Variants in IL3RA observed in about 807,000 individuals in gnomAD.
IL3RA encodes interleukin 3 receptor subunit alpha, also known as interleukin-3 receptor subunit alpha.
IL3RA carries 73 observed loss-of-function variants against 52.3 expected under a neutral mutation model. The ratio of observed to expected loss-of-function variants is 1.40; its 90% confidence interval spans 1.16 to 1.70. IL3RA has a LOEUF of 1.70. Ranked by LOEUF, IL3RA falls within the 40% of genes most tolerant of loss-of-function variation. IL3RA has a pLI of 0.00. For synonymous variants in IL3RA, 260 were observed against 194.0 expected (o/e 1.34, Z -2.83); for missense variants, 664 against 504.4 (o/e 1.32, Z -3.03).
At chrX:1,351,189 G>A (rs1161369638) in intron 4 of IL3RA, among the ~76,000 whole-genome samples, 7 of 152,068 alleles carry the variant, frequency 4.6e-5, no homozygotes, top group Non-Finnish European at 8.8e-5. Context: ...CCTAGGCGAC[G>A]GAGCGAGACT....
In IL3RA at chrX:1,360,147, GTC is replaced by G. The variant is rs201083236; in HGVS notation, c.759+1267_759+1268del. Among the ~76,000 whole-genome samples the G allele has an allele frequency of 3.6e-3, 347 of 95,860 alleles. 2 individuals carry two copies. Among genetic ancestry groups the G allele is most frequent in the African/African-American group, 0.014 (322 of 23,514 alleles). 62.9% of individuals were successfully genotyped at this position (95,860 alleles called of 152,430 possible). ...TCTCTTTCTCCGTGTCTGTCTCTGT[GTC>G]TCTCTCCCTTTCTCCCTCCCTCCAT... On this transcript the variant is annotated intron_variant, in intron 8 of 11. Transcript: ENST00000331035.
intron 8 of IL3RA, among the ~76,000 whole-genome samples, chrX:1,359,720 C>G (rs1276165933): frequency 4.0e-5 from 6 of 150,048 alleles, no homozygotes; most frequent in Non-Finnish European, 8.9e-5. Context: ...CTCTCCCTGT[C>G]TCTCTCTCCC....
chrX:1,358,747 C>G, intron 7 of IL3RA, 114 bp from the exon 8 acceptor site: 1 of 1,126,788 alleles, frequency 8.9e-7, no homozygotes, highest in Non-Finnish European at 1.3e-6. Context: ...GAAGGCCTTC[C>G]CAGAGCCCTC....
At chrX:1,363,611 A>G (rs1207034769) in intron 8 of IL3RA, among the ~76,000 whole-genome samples, 11 of 150,834 alleles carry the variant, frequency 7.3e-5, no homozygotes, top group Admixed American at 2.0e-4. Flanking sequence ...ATAAGGCCCC[A>G]CTGTAAGGAG....
intron 9 of IL3RA, among the ~76,000 whole-genome samples, 187 bp downstream of exon 9, chrX:1,365,439 G>A (rs2087902033): frequency 1.7e-5 from 1 of 57,392 alleles, no homozygotes; most frequent in Non-Finnish European, 2.9e-5. Flanking sequence ...CGGGGTGCGC[G>A]GGGTGAGCGG....
At chrX:1,367,512 CGGGTGCGCG>C (rs1355004432) in intron 9 of IL3RA, among the ~76,000 whole-genome samples, 10 of 27,902 alleles carry the variant, frequency 3.6e-4, no homozygotes, top group East Asian at 1.2e-3. Context: ...CGGGGTGAGC[CGGGTGCGCG>C]GGGTGCGCGG....
chrX:1,344,103 C>T lies in IL3RA; in HGVS notation c.65-1213C>T, dbSNP rs186315740. 1.3e-3 allele frequency among the ~76,000 whole-genome samples: 201 copies of T among 152,132 alleles called. 2 individuals carry two copies. Among genetic ancestry groups the T allele is most frequent in the Non-Finnish European group, 2.5e-3 (173 of 68,000 alleles). ...GCCACCACGCCCGTTTGCTTTATGA[C>T]TTCTACCAGCTCACAGAAGTCTCCT... On this transcript the variant is annotated intron_variant, in intron 2 of 11. Transcript: ENST00000331035.
intron 7 of IL3RA, 48 bp from the exon 8 acceptor site, chrX:1,358,813 T>C: frequency 6.2e-7 from 1 of 1,609,850 alleles, no homozygotes; most frequent in East Asian, 2.2e-5. Flanking sequence ...GAGGAGGCTT[T>C]CAGGGACGGT....
intron 9 of IL3RA, among the ~76,000 whole-genome samples, chrX:1,377,956 C>T (rs1308789332): frequency 1.0e-4 from 15 of 150,652 alleles, no homozygotes; most frequent in African/African-American, 3.4e-4. Flanking sequence ...GAGGCCGAGG[C>T]GGGTGGATCA....
chrX:1,341,334 T>C (rs1416540167), intron 1 of IL3RA, among the ~76,000 whole-genome samples: 5 of 151,388 alleles, frequency 3.3e-5, no homozygotes, highest in African/African-American at 1.2e-4. Context: ...CAAACACTTA[T>C]GTGTGCACAC....
In IL3RA at chrX:1,352,526, C is replaced by G. The variant is rs763413422; in HGVS notation, c.616+20C>G. On this transcript the variant is annotated intron_variant, in intron 6 of 11. Coordinates refer to ENST00000331035, the MANE Select transcript of IL3RA (RefSeq NM_002183.4). Reference sequence around the variant, plus strand: ...AGATTGGTGAGTAGCCCGGGACACTCCCTCCCACCCTCAGTTCTGTGATAC... The same window carrying G: ...AGATTGGTGAGTAGCCCGGGACACTGCCTCCCACCCTCAGTTCTGTGATAC... The G allele has an allele frequency of 6.2e-7, 1 of 1,607,678 alleles. No individual in the cohort carries two copies. The highest frequency in any genetic ancestry group is 1.1e-5 in the South Asian group (1 of 90,812).
intron 9 of IL3RA, 42 bp downstream of exon 9, chrX:1,365,294 CGGGGT>C (rs2087853734): frequency 1.0e-6 from 1 of 997,690 alleles, no homozygotes; most frequent in Non-Finnish European, 1.4e-6. Context: ...GCGGGGTGAG[CGGGGT>C]GCGCGGGGTG....
At chrX:1,358,399 C>A (rs1166551815) in intron 7 of IL3RA, among the ~76,000 whole-genome samples, 5 of 152,056 alleles carry the variant, frequency 3.3e-5, no homozygotes, top group Non-Finnish European at 5.9e-5. Flanking sequence ...ATGGGGCATG[C>A]CTGTAATCCC....
intron 7 of IL3RA, among the ~76,000 whole-genome samples, chrX:1,358,118 A>G (rs1378457703): frequency 1.3e-5 from 2 of 151,746 alleles, no homozygotes; most frequent in Non-Finnish European, 2.9e-5. Flanking sequence ...AGAAAAAAAA[A>G]AAAAGAAAAT....
chrX:1,360,669 C>T (rs2087192714), intron 8 of IL3RA, among the ~76,000 whole-genome samples: 1 of 150,756 alleles, frequency 6.6e-6, no homozygotes, highest in Non-Finnish European at 1.5e-5. Context: ...CAGGCACTCG[C>T]CACCATGCCC....
chrX:1,348,656 T>C (rs1216524925), intron 4 of IL3RA, 111 bp downstream of exon 4: 8 of 414,366 alleles, frequency 1.9e-5, no homozygotes, highest in African/African-American at 5.2e-5. Flanking sequence ...CTTTCTTTCT[T>C]TCTTTCTTTC....
At chrX:1,353,070 A>G (rs1161126763) in intron 6 of IL3RA, among the ~76,000 whole-genome samples, 1 of 149,970 alleles carries the variant, frequency 6.7e-6, no homozygotes, top group South Asian at 2.1e-4. Flanking sequence ...CATGGGTCCC[A>G]TCATTGGTCA....
intron 7 of IL3RA, 125 bp from the exon 8 acceptor site, chrX:1,358,736 C>A: frequency 1.1e-6 from 1 of 908,144 alleles, no homozygotes; most frequent in Middle Eastern, 2.7e-4. Context: ...CACTGCTGCC[C>A]GAAGGCCTTC....
At chrX:1,348,640 T>TTCTC (rs2085891526) in intron 4 of IL3RA, 95 bp downstream of exon 4, 1 of 721,292 alleles carries the variant, frequency 1.4e-6, no homozygotes, top group African/African-American at 2.1e-5. Flanking sequence ...TTTCTTTTCT[T>TTCTC]TTTCTCTTTC....
Sources: allele counts gnomAD v4.1 joint callset (sites outside exome capture counted in the v4.1 genomes callset), GRCh38; gene constraint gnomAD v4.1.1; transcripts MANE v1.5; gene names NCBI Gene and HGNC (gene_info 2026-07-23, HGNC 2026-07-21).